Variants in SHOC2 observed in about 807,000 individuals in gnomAD.
SHOC2 encodes leucine-rich repeat protein SHOC-2.
Under a neutral mutation model 50.2 loss-of-function variants are expected in SHOC2, and 4 were observed. The observed-to-expected ratio is 0.08, with a 90% CI of 0.04 to 0.18. The LOEUF (loss-of-function observed/expected upper bound fraction) is 0.18. Ranked by LOEUF, SHOC2 falls within the 10% of genes least tolerant of loss-of-function variation. SHOC2 has a pLI of 1.00. For missense variants in SHOC2, 388 were observed against 669.6 expected (o/e 0.58, Z 4.64); for synonymous variants, 218 against 244.5 (o/e 0.89, Z 1.01).
intron 2 of SHOC2, among the ~76,000 whole-genome samples, chr10:110,980,453 G>A (rs1324327260): frequency 6.6e-6 from 1 of 152,032 alleles, no homozygotes; most frequent in African/African-American, 2.4e-5. Context: ...CTTGATAGTA[G>A]GCCTGTTGTT....
At chr10:110,989,958 A>T (rs1021937476) in intron 3 of SHOC2, among the ~76,000 whole-genome samples, 10 of 152,210 alleles carry the variant, frequency 6.6e-5, no homozygotes, top group African/African-American at 2.4e-4. Flanking sequence ...TAAAATATGT[A>T]TCTGTAAGTT....
chr10:111,007,261 G>A (rs145877588), intron 5 of SHOC2, among the ~76,000 whole-genome samples: 79 of 152,184 alleles, frequency 5.2e-4, no homozygotes, highest in African/African-American at 1.9e-3. Context: ...AATCTCCAGT[G>A]TTTCTCTGTA....
intron 1 of SHOC2, among the ~76,000 whole-genome samples, chr10:110,936,460 GT>G (rs934196565): frequency 6.6e-6 from 1 of 151,648 alleles, no homozygotes; most frequent in African/African-American, 2.4e-5. Flanking sequence ...AGATAGTAAT[GT>G]TTTTTGCGTA....
At chr10:110,930,755 G>GTTTTTT (rs1846880053) in intron 1 of SHOC2, among the ~76,000 whole-genome samples, 6 of 24,360 alleles carry the variant, frequency 2.5e-4, no homozygotes, top group African/African-American at 3.6e-4. Context: ...TTTTTTGGTA[G>GTTTTTT]TGTTTGTGTG....
intron 1 of SHOC2, among the ~76,000 whole-genome samples, chr10:110,956,841 G>A (rs1005907738): frequency 2.6e-5 from 4 of 151,424 alleles, no homozygotes; most frequent in Admixed American, 6.6e-5. Context: ...AAAGTATTCC[G>A]TTTAATGTTC....
chr10:110,931,319 T>C (rs1401493565), intron 1 of SHOC2, among the ~76,000 whole-genome samples: 1 of 152,200 alleles, frequency 6.6e-6, no homozygotes, highest in African/African-American at 2.4e-5. Context: ...CTTGTGCTGC[T>C]TAAAGGTGTG....
intron 1 of SHOC2, among the ~76,000 whole-genome samples, chr10:110,935,654 A>G (rs937925661): frequency 6.6e-6 from 1 of 152,082 alleles, no homozygotes; most frequent in South Asian, 2.1e-4. Flanking sequence ...TTTTCAATGA[A>G]TGTATTTAGC....
intron 1 of SHOC2, among the ~76,000 whole-genome samples, chr10:110,963,501 C>CT (rs985728914): frequency 4.6e-5 from 7 of 151,474 alleles, no homozygotes; most frequent in South Asian, 2.1e-4. Flanking sequence ...TCACTTTGTT[C>CT]TTTTTTTTTC....
intron 2 of SHOC2, among the ~76,000 whole-genome samples, chr10:110,980,680 G>A (rs1395925650): frequency 6.6e-6 from 1 of 152,036 alleles, no homozygotes; most frequent in African/African-American, 2.4e-5. Flanking sequence ...TGGTCAAAAT[G>A]GTCTAGATTC....
chr10:111,008,641 T>C (rs1346726875), intron 6 of SHOC2, among the ~76,000 whole-genome samples: 1 of 152,112 alleles, frequency 6.6e-6, no homozygotes, highest in Non-Finnish European at 1.5e-5. Flanking sequence ...ACTGTATATA[T>C]TTATTATGGG....
chr10:110,990,020 A>G (rs1848151832), intron 3 of SHOC2, among the ~76,000 whole-genome samples: 1 of 152,274 alleles, frequency 6.6e-6, no homozygotes, highest in Non-Finnish European at 1.5e-5. Context: ...AAAAGAAAGA[A>G]TAATGCATAA....
intron 3 of SHOC2, among the ~76,000 whole-genome samples, chr10:110,999,584 A>C (rs1348669254): frequency 2.0e-5 from 3 of 151,954 alleles, no homozygotes; most frequent in African/African-American, 7.3e-5. Context: ...TAAAAATACA[A>C]AAATTAGCTG....
At chr10:111,010,764 G>T (rs1848552424) in intron 8 of SHOC2, among the ~76,000 whole-genome samples, 1 of 152,074 alleles carries the variant, frequency 6.6e-6, no homozygotes, top group Non-Finnish European at 1.5e-5. Context: ...GGTAAGGTAT[G>T]TAAACTCCCT....
At chr10:110,972,660 C>A (rs1372158188) in intron 2 of SHOC2, among the ~76,000 whole-genome samples, 1 of 152,076 alleles carries the variant, frequency 6.6e-6, no homozygotes, top group East Asian at 1.9e-4. Context: ...GCCTGGGCAA[C>A]ATGGCAAAAC....
At chr10:110,990,779 A>C (rs1229979901) in intron 3 of SHOC2, among the ~76,000 whole-genome samples, 4 of 152,294 alleles carry the variant, frequency 2.6e-5, no homozygotes, top group Non-Finnish European at 5.9e-5. Flanking sequence ...ACAAAAAAAA[A>C]CACAACAAAA....
At chr10:110,937,762 CAA>C (rs887315629) in intron 1 of SHOC2, among the ~76,000 whole-genome samples, 2 of 152,048 alleles carry the variant, frequency 1.3e-5, no homozygotes, top group African/African-American at 4.8e-5. Context: ...TTTTATTAAA[CAA>C]AATCACAATT....
chr10:110,958,709 T>C (rs1233460510), intron 1 of SHOC2, among the ~76,000 whole-genome samples: 1 of 152,132 alleles, frequency 6.6e-6, no homozygotes, highest in Non-Finnish European at 1.5e-5. Context: ...ATAAATTTGT[T>C]CAAAATTTTA....
In SHOC2 at chr10:110,954,382, C is replaced by T. The variant is rs544967821; in HGVS notation, c.-234-9743C>T. ...TCATCTAGAATCATCTCATTCACTA[C>T]CTAGTTATATGATAAATGTTTATGT... On this transcript the variant is annotated intron_variant, in intron 1 of 8. Coordinates refer to ENST00000369452, the MANE Select transcript of SHOC2 (RefSeq NM_007373.4). Among the ~76,000 whole-genome samples the T allele has an allele frequency of 2.0e-5, 3 of 152,102 alleles. No individual in the cohort carries two copies. The East Asian group carries it at 5.8e-4, about 29-fold the overall frequency.
chr10:110,969,162 T>A (rs1847731191), intron 2 of SHOC2, among the ~76,000 whole-genome samples: 1 of 152,202 alleles, frequency 6.6e-6, no homozygotes, highest in Non-Finnish European at 1.5e-5. Flanking sequence ...ACAAATAAAG[T>A]AAGTGTCCCT....
Sources: gnomAD v4.1 joint callset for allele counts (sites outside exome capture counted in the v4.1 genomes callset) on GRCh38, gnomAD v4.1.1 for gene constraint, MANE v1.5 for transcripts, NCBI Gene and HGNC (gene_info 2026-07-23, HGNC 2026-07-21) for gene names.